MKKS: variants seen among roughly 807,000 people sequenced by gnomAD.
The protein encoded by MKKS is MKKS centrosomal shuttling protein.
A neutral mutation model predicts 33.2 loss-of-function variants in MKKS; 29 were observed. That is an observed-to-expected ratio of 0.87 (90% CI 0.65 to 1.19). The LOEUF (loss-of-function observed/expected upper bound fraction) is 1.19, where lower values mean the gene tolerates loss of function less well. Ranked by LOEUF, MKKS falls within the 50% of genes most tolerant of loss-of-function variation. The probability of loss-of-function intolerance (pLI) is 0.00; values close to 1 mark genes in which losing one functional copy is unlikely to be tolerated. For synonymous variants in MKKS, 260 were observed against 244.0 expected, an observed-to-expected ratio of 1.07 and a Z score of -0.61; for missense variants, 661 against 662.3, an observed-to-expected ratio of 1.00 and a Z score of 0.02.
At chr20:10,430,176 AC>A (rs1414069924) in intron 1 of MKKS, among the ~76,000 whole-genome samples, 1 of 152,210 alleles carries the variant, frequency 6.6e-6, no homozygotes, top group Non-Finnish European at 1.5e-5. Context: ...GATCCTGCCT[AC>A]CAGTTTTCAG....
intron 2 of MKKS, among the ~76,000 whole-genome samples, chr20:10,417,844 T>C (rs906330302): frequency 2.7e-5 from 4 of 150,730 alleles, no homozygotes; most frequent in East Asian, 2.0e-4. Flanking sequence ...TTACAGGAAA[T>C]AGGGGAGAGA....
chr20:10,415,401 T>C (rs962987444), intron 2 of MKKS, among the ~76,000 whole-genome samples: 5 of 152,206 alleles, frequency 3.3e-5, no homozygotes, highest in Admixed American at 2.6e-4. Flanking sequence ...GGGAATGTTA[T>C]GCAAATGTTA....
chr20:10,433,185 T>C (rs2065066817), intron 1 of MKKS, among the ~76,000 whole-genome samples: 1 of 152,246 alleles, frequency 6.6e-6, no homozygotes, highest in Non-Finnish European at 1.5e-5. Flanking sequence ...TTTGTACTTT[T>C]AGCAGAGACC....
chr20:10,422,855 G>A (rs1277605729), intron 1 of MKKS, among the ~76,000 whole-genome samples: 2 of 151,834 alleles, frequency 1.3e-5, no homozygotes, highest in African/African-American at 2.4e-5. Flanking sequence ...GGGACTACAG[G>A]TGCCCGCCAC....
chr20:10,408,550 A>G (rs2064858723), intron 4 of MKKS, 78 bp downstream of exon 4: 2 of 1,512,808 alleles, frequency 1.3e-6, no homozygotes, highest in Admixed American at 1.7e-5. Flanking sequence ...GAAGCTACGA[A>G]AAAAAAATCA....
chr20:10,432,959 C>A (rs2065064729), intron 1 of MKKS, among the ~76,000 whole-genome samples: 1 of 152,202 alleles, frequency 6.6e-6, no homozygotes, highest in Non-Finnish European at 1.5e-5. Context: ...GAAAAAAGGT[C>A]TGCACGTGTT....
At chr20:10,412,460 C>G in intron 3 of MKKS, 70 bp downstream of exon 3, 1 of 1,539,834 alleles carries the variant, frequency 6.5e-7, no homozygotes, top group South Asian at 1.1e-5. Context: ...TGACACAAAC[C>G]AAAAATATCT....
In MKKS at chr20:10,427,704, C is replaced by T. The variant is rs544424085; in HGVS notation, c.-649+6404G>A. 1.6e-3 allele frequency among the ~76,000 whole-genome samples: 249 copies of T among 152,296 alleles called. 8 individuals carry two copies. Among genetic ancestry groups the T allele is most frequent in the Middle Eastern group, 0.01 (3 of 294 alleles). ...GAACTGACATGGTAAACAGAACAAT[C>T]GTTTTCCTTTTTCTTTTCCAACTAT... On this transcript the variant is annotated intron_variant, in intron 1 of 5. Transcript: ENST00000347364.
intron 1 of MKKS, among the ~76,000 whole-genome samples, chr20:10,424,888 C>G (rs1461494632): frequency 6.6e-6 from 1 of 151,758 alleles, no homozygotes; most frequent in Non-Finnish European, 1.5e-5. Flanking sequence ...CCTGTCTCTA[C>G]TAAAAATACA....
At position 10,407,335 on chromosome 20, in the gene MKKS, GCTTA is replaced by G. The variant is rs533657493; in HGVS notation, c.1272+277_1272+280del. On this transcript the variant is annotated intron_variant, in intron 5 of 5. Coordinates refer to ENST00000347364, the MANE Select transcript of MKKS (RefSeq NM_170784.3). ...CAATACTCAAAGAACGTGATCGCTT[GCTTA>G]AATATTTTTATAATAATCATTGTAA... Among the ~76,000 whole-genome samples, 240 of 152,142 alleles carry G rather than the reference GCTTA, an allele frequency of 1.6e-3. 1 individual carries two copies. Among genetic ancestry groups the G allele is most frequent in the Middle Eastern group, 0.014 (4 of 294 alleles).
intron 3 of MKKS, among the ~76,000 whole-genome samples, chr20:10,409,586 C>T (rs2064866021): frequency 6.6e-6 from 1 of 152,172 alleles, no homozygotes; most frequent in South Asian, 2.1e-4. Flanking sequence ...AGCTATAATT[C>T]TGAGCCATTC....
intron 1 of MKKS, among the ~76,000 whole-genome samples, chr20:10,429,757 G>A (rs553928859): frequency 3.3e-5 from 5 of 152,106 alleles, no homozygotes; most frequent in South Asian, 4.2e-4. Flanking sequence ...CCAGACCCTC[G>A]CGCCCTCACA....
chr20:10,408,624 C>T lies in MKKS; in HGVS notation c.1161+4G>A, dbSNP rs761886025. The T allele has an allele frequency of 1.9e-5, 31 of 1,613,670 alleles. No homozygotes were observed. In the Admixed American group the frequency reaches 4.7e-4, roughly 24 times the overall value. On this transcript the variant is annotated splice_donor_region_variant and intron_variant, in intron 4 of 5. Transcript: ENST00000347364. ...GCATATGGAATTCAAAGTTCATTAC[C>T]TACCTTCAGCTCATCCCAGGCAGTG...
Position 10,421,749 on chromosome 20 carries a change from T to C in MKKS, c.-648-991A>G, listed in dbSNP as rs190166122. 9.2e-4 allele frequency among the ~76,000 whole-genome samples: 140 copies of C among 152,068 alleles called. 2 individuals are homozygous for C. The highest frequency in any genetic ancestry group is 4.4e-3 in the East Asian group (23 of 5,182). On this transcript the variant is annotated intron_variant, in intron 1 of 5. Transcript: ENST00000347364. ...AAGAAACTGGGGCTAGACAGTTGCC[T>C]GGAGTTACAAAGTTAGTTAGCTTTT... is the stretch of plus-strand genomic sequence containing the variant.
chr20:10,414,594 T>G (rs978266422), intron 2 of MKKS, among the ~76,000 whole-genome samples: 18 of 152,198 alleles, frequency 1.2e-4, no homozygotes, highest in Non-Finnish European at 8.8e-5. Flanking sequence ...AAGTCCCAAA[T>G]ATCTTTATTC....
rs1176253856 is a variant in MKKS at position 10,413,302 on chromosome 20, A to G, written c.213T>C (p.His71=). 6.2e-7 allele frequency: 1 copy of G among 1,614,182 alleles called. No homozygotes were observed. Among genetic ancestry groups the G allele is most frequent in the Admixed American group, 1.7e-5 (1 of 60,014 alleles). Residue 71 remains histidine (H), a synonymous_variant, in exon 3 of 6, where the codon CAT becomes CAC. Transcript: ENST00000347364. ...AGGCTGTCAGGATCTTTAAAATGGG[A>G]TGTGTGACCAAAAGGTGACTGAGCA... ...SALLSHLLVT[H]PILKILTASI... is the part of the protein sequence containing the mutation.
At chr20:10,423,018 T>G (rs2064992250) in intron 1 of MKKS, among the ~76,000 whole-genome samples, 1 of 151,956 alleles carries the variant, frequency 6.6e-6, no homozygotes, top group African/African-American at 2.4e-5. Flanking sequence ...GCCCTTCAAG[T>G]CACATTACTT....
At chr20:10,413,990 C>A (rs910318319) in intron 2 of MKKS, 59 bp from the exon 3 acceptor site, 3 of 397,000 alleles carry the variant, frequency 7.6e-6, no homozygotes, top group Admixed American at 4.3e-5. Flanking sequence ...TTGTAGACTG[C>A]AGTTTAATAA....
chr20:10,417,227 C>T (rs552805223), intron 2 of MKKS, among the ~76,000 whole-genome samples: 1 of 129,932 alleles, frequency 7.7e-6, no homozygotes, highest in Admixed American at 8.6e-5. Context: ...GCCTGGGTGA[C>T]AGAGTGAGAC....
Sources: allele counts gnomAD v4.1 joint callset (sites outside exome capture counted in the v4.1 genomes callset), GRCh38; gene constraint gnomAD v4.1.1; transcripts MANE v1.5; gene names NCBI Gene and HGNC (gene_info 2026-07-23, HGNC 2026-07-21).